Variants in TRIM5 observed in about 807,000 individuals in gnomAD.
The protein encoded by TRIM5 is tripartite motif containing 5, also known as tripartite motif-containing protein 5.
Under a neutral mutation model 35.6 loss-of-function variants are expected in TRIM5, and 31 were observed. The observed-to-expected ratio is 0.87, with a 90% confidence interval of 0.65 to 1.18. TRIM5 has a LOEUF of 1.18. Among genes scored for constraint, TRIM5 ranks in the 50% most tolerant of loss-of-function variants. TRIM5 has a pLI of 0.00. For synonymous variants in TRIM5, 243 were observed against 215.6 expected (o/e 1.13, Z -1.11); for missense variants, 609 against 591.6 (o/e 1.03, Z -0.31).
chr11:5,597,715 A>G, the TRIM5 span, among the ~76,000 whole-genome samples: 24 of 152,194 alleles, frequency 1.6e-4, no homozygotes, highest in South Asian at 8.3e-4. Flanking sequence ...CTGCTGAGTC[A>G]CTGATTTTTA....
chr11:5,614,927 T>G, the TRIM5 span, among the ~76,000 whole-genome samples: 4 of 152,190 alleles, frequency 2.6e-5, no homozygotes, highest in African/African-American at 9.6e-5. Flanking sequence ...TATATAGCAC[T>G]TAGAGCTATA....
At chr11:5,632,339 C>G in the TRIM5 span, 1 of 1,614,008 alleles carries the variant, frequency 6.2e-7, no homozygotes, top group Non-Finnish European at 8.5e-7. Context: ...GCAATGGCTT[C>G]AAAAATCTTG....
At chr11:5,666,644 A>G (rs910407626) in intron 5 of TRIM5, among the ~76,000 whole-genome samples, 2 of 152,210 alleles carry the variant, frequency 1.3e-5, no homozygotes, top group Non-Finnish European at 2.9e-5. Flanking sequence ...GATTTCCGGG[A>G]AAAATTACAA....
At chr11:5,636,283 T>C in the TRIM5 span, among the ~76,000 whole-genome samples, 30 of 152,336 alleles carry the variant, frequency 2.0e-4, 1 homozygote, top group East Asian at 5.8e-3. Flanking sequence ...AGTTCTTTTT[T>C]GTATGATTCC....
the TRIM5 span, chr11:5,596,725 C>T: frequency 6.0e-6 from 6 of 1,000,824 alleles, no homozygotes; most frequent in African/African-American, 6.6e-5. Context: ...GAGGGATCCC[C>T]TGCCTTTCTC....
chr11:5,592,669 C>A, the TRIM5 span, among the ~76,000 whole-genome samples: 13 of 152,130 alleles, frequency 8.5e-5, no homozygotes, highest in South Asian at 4.2e-4. Flanking sequence ...GTAATCCCAG[C>A]ACTTTGGGAG....
the TRIM5 span, among the ~76,000 whole-genome samples, chr11:5,648,597 A>C: frequency 2.6e-5 from 4 of 152,286 alleles, no homozygotes; most frequent in East Asian, 5.8e-4. Context: ...TGAGGTGCTG[A>C]GAATGGAGAT....
the TRIM5 span, among the ~76,000 whole-genome samples, chr11:5,599,949 A>G: frequency 1.3e-5 from 2 of 152,070 alleles, no homozygotes; most frequent in Non-Finnish European, 2.9e-5. Flanking sequence ...AGAGCCTTAT[A>G]GTGCAGTGTG....
the TRIM5 span, among the ~76,000 whole-genome samples, chr11:5,592,933 A>AG: frequency 3.7e-5 from 5 of 135,732 alleles, no homozygotes; most frequent in African/African-American, 1.2e-4. Context: ...AAAAAAAAGA[A>AG]AAAAGAAAAA....
intron 1 of TRIM5, among the ~76,000 whole-genome samples, chr11:5,680,732 C>T (rs1258133312): frequency 1.3e-5 from 2 of 152,222 alleles, no homozygotes; most frequent in African/African-American, 4.8e-5. Context: ...CTCTGACTAC[C>T]TTATGTGCAG....
At chr11:5,607,588 A>AGT in the TRIM5 span, among the ~76,000 whole-genome samples, 1 of 152,246 alleles carries the variant, frequency 6.6e-6, no homozygotes, top group East Asian at 1.9e-4. Context: ...TGAGACTAGC[A>AGT]GTGGCAGTGA....
chr11:5,661,822 C>T (rs1850836779), downstream of TRIM5, among the ~76,000 whole-genome samples: 1 of 152,144 alleles, frequency 6.6e-6, no homozygotes, highest in Admixed American at 6.5e-5. Context: ...TTACTAGGGC[C>T]AGGAGCATCT....
the TRIM5 span, chr11:5,611,830 G>A: frequency 9.7e-5 from 15 of 154,164 alleles, no homozygotes; most frequent in Non-Finnish European, 1.4e-4. Flanking sequence ...CTGATGACAG[G>A]TCTTGAGGTG....
chr11:5,590,522 C>A, the TRIM5 span: 1 of 152,254 alleles, frequency 6.6e-6, no homozygotes, highest in Non-Finnish European at 1.5e-5. Flanking sequence ...CCTTGGAGAA[C>A]CTTTGTATGG....
chr11:5,597,151 G>C, the TRIM5 span, among the ~76,000 whole-genome samples: 55 of 152,304 alleles, frequency 3.6e-4, 1 homozygote, highest in Non-Finnish European at 2.2e-4. Context: ...TTCAAATCCT[G>C]ACTCTGACAG....
At chr11:5,660,221 C>T (rs1476118282), downstream of TRIM5, among the ~76,000 whole-genome samples, 1 of 152,168 alleles carries the variant, frequency 6.6e-6, no homozygotes, top group Non-Finnish European at 1.5e-5. Context: ...GTGATCTGCC[C>T]ACCTCAGCCT....
At chr11:5,615,533 C>T in the TRIM5 span, among the ~76,000 whole-genome samples, 1 of 151,364 alleles carries the variant, frequency 6.6e-6, no homozygotes, top group Non-Finnish European at 1.5e-5. Flanking sequence ...CCAAATTCTA[C>T]TTTGTTAGGT....
the TRIM5 span, among the ~76,000 whole-genome samples, chr11:5,614,676 G>C: frequency 2.6e-5 from 4 of 152,144 alleles, no homozygotes; most frequent in African/African-American, 9.7e-5. Flanking sequence ...TGTCACTAAA[G>C]TTCTAGACAT....
the TRIM5 span, among the ~76,000 whole-genome samples, chr11:5,602,193 C>A: frequency 6.6e-6 from 1 of 152,152 alleles, no homozygotes; most frequent in Non-Finnish European, 1.5e-5. Flanking sequence ...GTAGTCCCAA[C>A]CCTTTGGGAG....
Sources: allele counts gnomAD v4.1 joint callset (sites outside exome capture counted in the v4.1 genomes callset), GRCh38; gene constraint gnomAD v4.1.1; transcripts MANE v1.5; gene names NCBI Gene and HGNC (gene_info 2026-07-23, HGNC 2026-07-21).